BCL2L14: variants seen among roughly 807,000 people sequenced by gnomAD.
BCL2L14 encodes the protein apoptosis facilitator Bcl-2-like protein 14.
In BCL2L14, 27 loss-of-function variants were observed where a neutral mutation model predicts 35.3. The observed-to-expected ratio is 0.76, with a 90% CI of 0.56 to 1.05. The LOEUF (loss-of-function observed/expected upper bound fraction) is 1.05. BCL2L14 is among the 50% of genes least tolerant of loss of function. BCL2L14 has a pLI of 0.00. For synonymous variants in BCL2L14, 139 were observed against 145.9 expected, an observed-to-expected ratio of 0.95 and a Z score of 0.34; for missense variants, 377 against 382.6, an observed-to-expected ratio of 0.99 and a Z score of 0.12.
At position 12,079,298 on chromosome 12, in the gene BCL2L14, G is replaced by A. The variant is rs1023379555; in HGVS notation, c.-7-1G>A. 13 of 1,610,568 alleles carry A rather than the reference G, an allele frequency of 8.1e-6. No individual in the cohort carries two copies. Among genetic ancestry groups the A allele is most frequent in the Non-Finnish European group, 1.1e-5 (13 of 1,178,190 alleles). ...GCACAGTGTGGACTTTGTTGTTACA[G>A]GCCCAACATGTGTAGCACCAGTGGG... On this transcript the variant is annotated splice_acceptor_variant, in intron 1 of 5. Coordinates refer to ENST00000308721, the MANE Select transcript of BCL2L14 (RefSeq NM_138723.2). LOFTEE classifies it low-confidence loss of function (5UTR_SPLICE).
chr12:12,061,502 G>A (rs1223939865), intron 2 of BCL2L14, among the ~76,000 whole-genome samples: 1 of 21,480 alleles, frequency 4.7e-5, no homozygotes, highest in Non-Finnish European at 1.3e-4. Flanking sequence ...AACAAGACAA[G>A]CCTTACAAGT....
intron 2 of BCL2L14, among the ~76,000 whole-genome samples, 179 bp from the exon 3 acceptor site, chr12:12,087,034 C>G (rs1422002852): frequency 6.6e-6 from 1 of 152,172 alleles, no homozygotes; most frequent in Admixed American, 6.5e-5. Flanking sequence ...CTCCCACATC[C>G]CGGCCTCTGC....
chr12:12,057,477 G>GC (rs1374318392), intron 2 of BCL2L14, among the ~76,000 whole-genome samples: 3 of 152,194 alleles, frequency 2.0e-5, no homozygotes, highest in Non-Finnish European at 4.4e-5. Context: ...GGTGAAGAGA[G>GC]CCGGGCTCGG....
At chr12:12,065,429 T>C (rs145228324) in intron 2 of BCL2L14, among the ~76,000 whole-genome samples, 2 of 151,438 alleles carry the variant, frequency 1.3e-5, no homozygotes, top group African/African-American at 2.4e-5. Flanking sequence ...TAAGTGACTC[T>C]GGAGACTGAG....
intron 2 of BCL2L14, among the ~76,000 whole-genome samples, chr12:12,080,814 C>G (rs1270197275): frequency 6.6e-6 from 1 of 152,074 alleles, no homozygotes; most frequent in Non-Finnish European, 1.5e-5. Context: ...TGACAAAGTA[C>G]AAACCATCCT....
At chr12:12,058,751 G>C (rs1270109959) in intron 2 of BCL2L14, among the ~76,000 whole-genome samples, 2 of 152,292 alleles carry the variant, frequency 1.3e-5, no homozygotes, top group African/African-American at 4.8e-5. Flanking sequence ...CACAAAGCCT[G>C]TTTGGTGGTC....
At chr12:12,076,760 C>G (rs1417672027) in intron 1 of BCL2L14, among the ~76,000 whole-genome samples, 2 of 152,118 alleles carry the variant, frequency 1.3e-5, no homozygotes. Flanking sequence ...TCGCTATCAG[C>G]CAATGTGAGC....
chr12:12,099,079 A>T lies in BCL2L14; in HGVS notation c.*91A>T, dbSNP rs1054463631. The T allele has an allele frequency of 3.3e-6, 3 of 904,856 alleles. No homozygotes were observed. In the African/African-American group the frequency reaches 4.9e-5, roughly 15 times the overall value. The allele number at this position is 904,856 out of a possible 1,614,324, so 56.1% of individuals were successfully genotyped here. ...GGACTACAGGAGATTACAACGTACA[A>T]GGCAGATGGAGCATTGACGTTTTCA... is the stretch of plus-strand genomic sequence containing the variant. On this transcript the variant is annotated 3_prime_UTR_variant, in exon 6 of 6. Coordinates refer to ENST00000308721, the MANE Select transcript of BCL2L14 (RefSeq NM_138723.2).
chr12:12,079,148 G>A (rs902306408), intron 1 of BCL2L14, 151 bp from the exon 2 acceptor site: 13 of 662,594 alleles, frequency 2.0e-5, no homozygotes, highest in Non-Finnish European at 3.1e-5. Flanking sequence ...TCCCACCCTA[G>A]TAAGACTGTG....
chr12:12,075,696 A>G (rs1948766804), intron 1 of BCL2L14, among the ~76,000 whole-genome samples: 1 of 152,138 alleles, frequency 6.6e-6, no homozygotes, highest in South Asian at 2.1e-4. Flanking sequence ...AAGTGCTAGG[A>G]TTACAGGCGT....
chr12:12,086,079 T>G (rs186139410), intron 2 of BCL2L14, among the ~76,000 whole-genome samples: 2 of 152,242 alleles, frequency 1.3e-5, no homozygotes, highest in African/African-American at 4.8e-5. Context: ...TTTGGGAGGC[T>G]GATGTGGGAG....
chr12:12,087,294 C>G lies in BCL2L14; in HGVS notation c.515C>G (p.Ala172Gly). The G allele has an allele frequency of 6.2e-7, 1 of 1,614,214 alleles. No homozygotes were observed. The highest frequency in any genetic ancestry group is 8.5e-7 in the Non-Finnish European group (1 of 1,180,020). Residue 172 changes from alanine (A) to glycine (G), a missense_variant, in exon 3 of 6, where the codon GCA becomes GGA. By Grantham distance (60) the Ala-to-Gly change is moderately conservative (BLOSUM62 0). Transcript: ENST00000308721. ...YSWPPPQATQ[A>G]GGFKSKEIFV... ...TGGCCACCACCACAAGCGACCCAGG[C>G]AGGAGGCTTCAAGTCCAAAGAGATT... is the stretch of plus-strand genomic sequence containing the variant.
chr12:12,065,794 A>ATTTTT (rs35435604), intron 2 of BCL2L14, among the ~76,000 whole-genome samples: 1 of 139,852 alleles, frequency 7.2e-6, no homozygotes, highest in Non-Finnish European at 1.6e-5. Context: ...CTTTGTTTCT[A>ATTTTT]TTTTTTTTTT....
intron 2 of BCL2L14, among the ~76,000 whole-genome samples, chr12:12,085,464 G>T (rs1188161591): frequency 6.6e-6 from 1 of 152,206 alleles, no homozygotes; most frequent in African/African-American, 2.4e-5. Flanking sequence ...GCAATAAGGG[G>T]ATTACAAAGT....
chr12:12,073,819 T>C (rs1466900648), intron 1 of BCL2L14, among the ~76,000 whole-genome samples: 1 of 152,122 alleles, frequency 6.6e-6, no homozygotes, highest in Non-Finnish European at 1.5e-5. Flanking sequence ...ATCAAAAGCC[T>C]CATGAATCCT....
chr12:12,073,891 C>T (rs1260991802), intron 1 of BCL2L14, among the ~76,000 whole-genome samples: 3 of 152,050 alleles, frequency 2.0e-5, no homozygotes, highest in Admixed American at 6.6e-5. Flanking sequence ...CCAAGTCTGC[C>T]GCACCTAATT....
intron 1 of BCL2L14, among the ~76,000 whole-genome samples, chr12:12,051,199 C>G (rs886632111): frequency 6.6e-6 from 1 of 152,120 alleles, no homozygotes; most frequent in Non-Finnish European, 1.5e-5. Context: ...GCTGGCTTTT[C>G]GTGAGTTCAG....
chr12:12,060,740 G>A (rs1352773207), intron 2 of BCL2L14, among the ~76,000 whole-genome samples: 2 of 81,406 alleles, frequency 2.5e-5, no homozygotes, highest in East Asian at 9.7e-4. Flanking sequence ...TGTCCCATCT[G>A]TGCGGGACCC....
chr12:12,089,532 C>T (rs1013001307), intron 3 of BCL2L14, among the ~76,000 whole-genome samples: 1 of 152,014 alleles, frequency 6.6e-6, no homozygotes, highest in Non-Finnish European at 1.5e-5. Context: ...CCTATCTCTA[C>T]TAAAAATACA....
Sources: gnomAD v4.1 joint callset for allele counts (sites outside exome capture counted in the v4.1 genomes callset) on GRCh38, gnomAD v4.1.1 for gene constraint, MANE v1.5 for transcripts, NCBI Gene and HGNC (gene_info 2026-07-23, HGNC 2026-07-21) for gene names.